JPH2: variants seen among roughly 807,000 people sequenced by gnomAD.
JPH2 encodes the protein junctophilin-2.
JPH2 carries 38 observed loss-of-function variants against 55.9 expected under a neutral mutation model. That is an observed-to-expected ratio of 0.68 (90% CI 0.52 to 0.89). The LOEUF (loss-of-function observed/expected upper bound fraction) is 0.89, where lower values mean the gene tolerates loss of function less well. Among genes scored for constraint, JPH2 ranks in the 40% least tolerant of loss-of-function variants. The pLI is 0.00. For synonymous variants in JPH2, 480 were observed against 472.4 expected, an observed-to-expected ratio of 1.02 and a Z score of -0.21; for missense variants, 964 against 1,037.6, an observed-to-expected ratio of 0.93 and a Z score of 0.97.
At chr20:44,173,851 T>C (rs2072714895) in intron 1 of JPH2, among the ~76,000 whole-genome samples, 1 of 152,174 alleles carries the variant, frequency 6.6e-6, no homozygotes, top group Non-Finnish European at 1.5e-5. Context: ...AGACGGAGGT[T>C]GCAGTTAGCC....
At chr20:44,116,487 T>C in intron 3 of JPH2, 101 bp from the exon 4 acceptor site, 3 of 1,372,106 alleles carry the variant, frequency 2.2e-6, no homozygotes, top group Non-Finnish European at 3.0e-6. Flanking sequence ...ATGGGCTCAG[T>C]CGGCACTCAC....
chr20:44,147,687 G>A (rs2072502472), intron 2 of JPH2, among the ~76,000 whole-genome samples: 1 of 152,204 alleles, frequency 6.6e-6, no homozygotes, highest in Non-Finnish European at 1.5e-5. Flanking sequence ...GCGTGTGTAA[G>A]ATCTTCCTTG....
intron 2 of JPH2, among the ~76,000 whole-genome samples, chr20:44,139,993 T>C (rs887072272): frequency 9.2e-5 from 14 of 152,252 alleles, no homozygotes; most frequent in African/African-American, 2.4e-4. Context: ...TGCCTCAGCC[T>C]CCCGAGTAGC....
At chr20:44,121,715 G>A (rs2072238178) in intron 2 of JPH2, among the ~76,000 whole-genome samples, 1 of 152,096 alleles carries the variant, frequency 6.6e-6, no homozygotes, top group African/African-American at 2.4e-5. Context: ...AAGCCAGCAT[G>A]GTGGCTCGTG....
At chr20:44,118,802 CT>C (rs572218315) in intron 2 of JPH2, among the ~76,000 whole-genome samples, 179 bp from the exon 3 acceptor site, 1 of 152,246 alleles carries the variant, frequency 6.6e-6, no homozygotes, top group Non-Finnish European at 1.5e-5. Flanking sequence ...ATTTCTTCTT[CT>C]TTCTGAGCAC....
Position 44,187,118 on chromosome 20 carries a change from C to T in JPH2, c.-413G>A. On this transcript the variant is annotated 5_prime_UTR_variant, in exon 1 of 6. Transcript: ENST00000372980. ...GAGGGGAAATTCCCCTCGGTGGCAG[C>T]CCCCGCCGGAGGCTGAATTCCCGCA... 1 of 187,948 alleles carries T rather than the reference C, an allele frequency of 5.3e-6. No individual in the cohort carries two copies. The highest frequency in any genetic ancestry group is 1.1e-5 in the Non-Finnish European group (1 of 90,896). The allele number at this position is 187,948 out of a possible 1,614,324, so 11.6% of individuals were successfully genotyped here.
At chr20:44,153,365 G>T (rs1424808154) in intron 2 of JPH2, among the ~76,000 whole-genome samples, 3 of 152,154 alleles carry the variant, frequency 2.0e-5, no homozygotes, top group African/African-American at 7.2e-5. Flanking sequence ...CTTGCCTAAG[G>T]TCACACAGTT....
chr20:44,136,910 C>T (rs2072417153), intron 2 of JPH2, among the ~76,000 whole-genome samples: 1 of 152,174 alleles, frequency 6.6e-6, no homozygotes, highest in Non-Finnish European at 1.5e-5. Flanking sequence ...ATTTACTAGG[C>T]ACCTAATAGA....
intron 2 of JPH2, among the ~76,000 whole-genome samples, chr20:44,150,970 C>T (rs1004136384): frequency 1.3e-5 from 2 of 152,144 alleles, no homozygotes; most frequent in Non-Finnish European, 2.9e-5. Context: ...GTGGAGGCTG[C>T]AGTGAGCTGA....
intron 2 of JPH2, among the ~76,000 whole-genome samples, chr20:44,129,780 A>G (rs2072304331): frequency 6.6e-6 from 1 of 152,122 alleles, no homozygotes; most frequent in African/African-American, 2.4e-5. Context: ...AAGGCCCTAA[A>G]TGTAACCACA....
At chr20:44,140,395 G>C (rs1181709346) in intron 2 of JPH2, among the ~76,000 whole-genome samples, 4 of 152,088 alleles carry the variant, frequency 2.6e-5, no homozygotes, top group Non-Finnish European at 5.9e-5. Context: ...AGAGCTCCAG[G>C]GGCCTCCACC....
rs1258920337 is a variant in JPH2, at chr20:44,160,197, C to T, written c.590G>A (p.Arg197His). Reference sequence around the variant, plus strand: ...CAGGAGGCTGAGCGCGAAGCCGCCACGCGGGATGGCGGGCGAGGGCAGCGC... The same window carrying T: ...CAGGAGGCTGAGCGCGAAGCCGCCATGCGGGATGGCGGGCGAGGGCAGCGC... ...GPALPSPAIP[R>H]GGFALSLLAN... The change falls in exon 2 of 6, where the codon CGT (arginine) becomes CAT (histidine). Residue 197 changes from arginine (R) to histidine (H), a missense_variant. Arg to His is a conservative substitution (Grantham distance 29, BLOSUM62 0). Transcript: ENST00000372980. This position sits in a 1 kb window ranked among gnomAD's most constrained non-coding sequence, Gnocchi z 4.9. 2 of 1,403,094 alleles carry T rather than the reference C, an allele frequency of 1.4e-6. No homozygotes were observed. Among genetic ancestry groups the T allele is most frequent in the South Asian group, 1.5e-5 (1 of 64,752 alleles). The allele number at this position is 1,403,094 out of a possible 1,614,324, so 86.9% of individuals were successfully genotyped here. A position where few individuals can be genotyped will look rare whatever the true frequency, so the allele number is the denominator to read the frequency against.
In JPH2 at chr20:44,160,176, A is replaced by G; in HGVS notation, c.611T>C (p.Leu204Pro). The G allele has an allele frequency of 7.1e-7, 1 of 1,408,434 alleles. No homozygotes were observed. Among genetic ancestry groups the G allele is most frequent in the Non-Finnish European group, 9.2e-7 (1 of 1,091,104 alleles). The allele number at this position is 1,408,434 out of a possible 1,614,324, so 87.2% of individuals were successfully genotyped here. Reference sequence around the variant, plus strand: ...CGCGGCCGCCTCGGCATTGGCCAGGAGGCTGAGCGCGAAGCCGCCACGCGG... The same window carrying G: ...CGCGGCCGCCTCGGCATTGGCCAGGGGGCTGAGCGCGAAGCCGCCACGCGG... Reference protein sequence around the residue: ...AIPRGGFALSLLANAEAAARA... With the variant: ...AIPRGGFALSPLANAEAAARA... Residue 204 changes from leucine (L) to proline (P), a missense_variant, in exon 2 of 6, where the codon CTC becomes CCC. Physicochemically the swap from Leu to Pro is moderately conservative, Grantham distance 98. Coordinates refer to ENST00000372980, the MANE Select transcript of JPH2 (RefSeq NM_020433.5). The surrounding 1 kb of genome is among the most constrained non-coding windows in gnomAD (Gnocchi z 4.9).
At chr20:44,149,088 C>T (rs1023007601) in intron 2 of JPH2, among the ~76,000 whole-genome samples, 1 of 151,314 alleles carries the variant, frequency 6.6e-6, no homozygotes, top group African/African-American at 2.4e-5. Context: ...CATTCTCCCT[C>T]CTCCAATTAA....
intron 2 of JPH2, among the ~76,000 whole-genome samples, chr20:44,140,507 G>C (rs1466487234): frequency 6.6e-6 from 1 of 152,120 alleles, no homozygotes; most frequent in Non-Finnish European, 1.5e-5. Flanking sequence ...TGCCAGACAG[G>C]GCCACACGAA....
chr20:44,155,633 G>C (rs1490673450), intron 2 of JPH2, among the ~76,000 whole-genome samples: 1 of 152,100 alleles, frequency 6.6e-6, no homozygotes, highest in East Asian at 1.9e-4. Flanking sequence ...GAGAAACCTG[G>C]CTGACCCACC....
chr20:44,136,108 A>G (rs2072411406), intron 2 of JPH2, among the ~76,000 whole-genome samples: 1 of 152,208 alleles, frequency 6.6e-6, no homozygotes, highest in South Asian at 2.1e-4. Flanking sequence ...GTCCAGGTCC[A>G]CAGGAGGTGC....
intron 2 of JPH2, among the ~76,000 whole-genome samples, chr20:44,122,929 C>T (rs1024784766): frequency 6.6e-6 from 1 of 151,342 alleles, no homozygotes; most frequent in South Asian, 2.1e-4. Flanking sequence ...GCTGGGCAAG[C>T]CTTCAAACTG....
chr20:44,181,909 G>A (rs1405946220), intron 1 of JPH2, among the ~76,000 whole-genome samples: 1 of 152,178 alleles, frequency 6.6e-6, no homozygotes, highest in Non-Finnish European at 1.5e-5. Context: ...GACAGGGAGC[G>A]TTTCCCTTCT....
Sources: gnomAD v4.1 joint callset for allele counts (sites outside exome capture counted in the v4.1 genomes callset) on GRCh38, gnomAD v4.1.1 for gene constraint, Gnocchi (gnomAD v3.1) non-coding constraint, MANE v1.5 for transcripts, NCBI Gene and HGNC (gene_info 2026-07-23, HGNC 2026-07-21) for gene names.